The following TNIK variants were observed in gnomAD, a reference collection of about 807,000 sequenced individuals.
TNIK encodes TRAF2 and NCK interacting kinase.
TNIK carries 49 observed loss-of-function variants against 191.3 expected under a neutral mutation model. That is an observed-to-expected ratio of 0.26 (90% confidence interval 0.20 to 0.32). The LOEUF (loss-of-function observed/expected upper bound fraction) is 0.32, where lower values mean the gene tolerates loss of function less well. Ranked by LOEUF, TNIK falls within the 10% of genes least tolerant of loss-of-function variation. The pLI, the probability that TNIK is intolerant of heterozygous loss-of-function variation, is 1.00. For missense variants in TNIK, 1,155 were observed against 1,702.3 expected (o/e 0.68, Z 5.66); for synonymous variants, 594 against 600.9 (o/e 0.99, Z 0.17).
intron 2 of TNIK, among the ~76,000 whole-genome samples, chr3:171,278,815 T>C (rs905177809): frequency 1.3e-5 from 2 of 152,206 alleles, no homozygotes; most frequent in Non-Finnish European, 2.9e-5. Context: ...CTTATGCTTG[T>C]GACAAAAACT....
intron 12 of TNIK, among the ~76,000 whole-genome samples, chr3:171,143,491 A>C (rs1187357015): frequency 6.6e-6 from 1 of 152,204 alleles, no homozygotes; most frequent in African/African-American, 2.4e-5. Context: ...GGTGCACCTA[A>C]GAGTTTGTTG....
intron 1 of TNIK, among the ~76,000 whole-genome samples, chr3:171,445,944 G>A (rs575168672): frequency 9.2e-5 from 14 of 152,258 alleles, no homozygotes; most frequent in Non-Finnish European, 1.3e-4. Flanking sequence ...TATGTTATTC[G>A]TGTTGTAGCA....
Position 171,123,586 on chromosome 3 carries a change from C to G in TNIK, c.2120+10G>C. ...TTTCTTCTTTTACCATAACCACCTT[C>G]CTTTCTTACCTTGCTCTGATGGGTT... On this transcript the variant is annotated intron_variant, in intron 18 of 32. Transcript: ENST00000436636. 1 of 1,535,234 alleles carries G rather than the reference C, an allele frequency of 6.5e-7. No individual in the cohort carries two copies. Among genetic ancestry groups the G allele is most frequent in the Non-Finnish European group, 8.8e-7 (1 of 1,140,540 alleles).
At chr3:171,398,599 C>T (rs115493741) in intron 1 of TNIK, among the ~76,000 whole-genome samples, 226 of 152,234 alleles carry the variant, frequency 1.5e-3, no homozygotes, top group African/African-American at 5.0e-3. Flanking sequence ...TACTATGTAC[C>T]AAATCAGTGT....
intron 3 of TNIK, among the ~76,000 whole-genome samples, chr3:171,216,738 T>C (rs1471315345): frequency 1.3e-5 from 2 of 152,184 alleles, no homozygotes; most frequent in Admixed American, 1.3e-4. Flanking sequence ...GGTCAAGTTA[T>C]GCAGCTTTGG....
intron 2 of TNIK, among the ~76,000 whole-genome samples, chr3:171,304,315 A>G (rs1753182384): frequency 6.6e-6 from 1 of 152,156 alleles, no homozygotes; most frequent in Admixed American, 6.5e-5. Context: ...ATGAGATACC[A>G]TCTCACACCA....
chr3:171,090,557 G>A (rs1427607772), intron 23 of TNIK, among the ~76,000 whole-genome samples: 1 of 139,866 alleles, frequency 7.1e-6, no homozygotes, highest in African/African-American at 2.7e-5. Context: ...AAGATACCAG[G>A]AAGGTGCTGT....
chr3:171,303,466 T>TA (rs1753096415), intron 2 of TNIK, among the ~76,000 whole-genome samples: 1 of 152,182 alleles, frequency 6.6e-6, no homozygotes, highest in African/African-American at 2.4e-5. Context: ...TTAACATAAG[T>TA]AAAAAACATC....
At chr3:171,188,886 G>A (rs758744404) in intron 6 of TNIK, 54 bp from the exon 7 acceptor site, 35 of 1,575,490 alleles carry the variant, frequency 2.2e-5, no homozygotes, top group African/African-American at 4.1e-5. Context: ...TTTAGATAGC[G>A]ATAAAATGAA....
At chr3:171,374,799 G>A (rs1716994263) in intron 1 of TNIK, among the ~76,000 whole-genome samples, 1 of 152,194 alleles carries the variant, frequency 6.6e-6, no homozygotes, top group Non-Finnish European at 1.5e-5. Flanking sequence ...AACATTTCAT[G>A]AGGACTTATG....
chr3:171,235,742 G>T (rs1189027828), intron 2 of TNIK, among the ~76,000 whole-genome samples: 2 of 144,362 alleles, frequency 1.4e-5, no homozygotes, highest in Non-Finnish European at 3.0e-5. Context: ...TGTTGTTGTT[G>T]TTGTTTTTGT....
At chr3:171,371,134 C>T (rs1360418959) in intron 1 of TNIK, among the ~76,000 whole-genome samples, 1 of 152,016 alleles carries the variant, frequency 6.6e-6, no homozygotes, top group Non-Finnish European at 1.5e-5. Context: ...GGGCTTTGCA[C>T]AATGCCTTTC....
intron 2 of TNIK, among the ~76,000 whole-genome samples, chr3:171,332,478 G>C (rs1756508634): frequency 6.6e-6 from 1 of 152,190 alleles, no homozygotes; most frequent in South Asian, 2.1e-4. Flanking sequence ...TCAGCTCGCA[G>C]TGCCACCATT....
chr3:171,390,397 C>A (rs969724010), intron 1 of TNIK, among the ~76,000 whole-genome samples: 8 of 152,192 alleles, frequency 5.3e-5, no homozygotes, highest in South Asian at 2.1e-4. Context: ...AAGGTTACAG[C>A]CTCTTTTTGT....
intron 2 of TNIK, among the ~76,000 whole-genome samples, chr3:171,290,423 C>A (rs1238145937): frequency 6.6e-6 from 1 of 152,124 alleles, no homozygotes; most frequent in East Asian, 1.9e-4. Context: ...AATTTTTTCT[C>A]ATTGACTCTA....
chr3:171,211,247 T>A lies in TNIK; in HGVS notation c.181-6A>T, dbSNP rs761325685. The A allele has an allele frequency of 1.3e-6, 2 of 1,595,352 alleles. No homozygotes were observed. Among genetic ancestry groups the A allele is most frequent in the Non-Finnish European group, 1.7e-6 (2 of 1,170,482 alleles). On this transcript the variant is annotated splice_polypyrimidine_tract_variant and splice_region_variant and intron_variant, in intron 3 of 32. Transcript: ENST00000436636. ...TTGATTTCTTCCTCTTCATCCTGTA[T>A]GAGAACAATATAAAAATTCTGTCAT...
At chr3:171,414,104 CCTAA>C (rs1257953958) in intron 1 of TNIK, among the ~76,000 whole-genome samples, 1 of 152,190 alleles carries the variant, frequency 6.6e-6, no homozygotes, top group Non-Finnish European at 1.5e-5. Context: ...TTACCAATTG[CCTAA>C]CTTAGACGTA....
intron 2 of TNIK, among the ~76,000 whole-genome samples, chr3:171,241,099 T>G (rs989016598): frequency 1.3e-5 from 2 of 151,992 alleles, no homozygotes; most frequent in Non-Finnish European, 2.9e-5. Flanking sequence ...GGCACGATCT[T>G]GGCTCACCGC....
chr3:171,394,729 G>T lies in TNIK; in HGVS notation c.58-25044C>A, dbSNP rs183107111. 6.0e-3 allele frequency among the ~76,000 whole-genome samples: 919 copies of T among 152,312 alleles called. 2 individuals carry two copies. Among genetic ancestry groups the T allele is most frequent in the Admixed American group, 0.011 (169 of 15,296 alleles). On this transcript the variant is annotated intron_variant, in intron 1 of 32. Coordinates refer to ENST00000436636, the MANE Select transcript of TNIK (RefSeq NM_015028.4). ...GTCTAAAAAACAAATGGGAATTCAAGAAAAATTGTTTCTTAGTTTCTTTCC... is the reference window on the plus strand; with the variant it reads ...GTCTAAAAAACAAATGGGAATTCAATAAAAATTGTTTCTTAGTTTCTTTCC...
Sources: gnomAD v4.1 joint callset for allele counts (sites outside exome capture counted in the v4.1 genomes callset) on GRCh38, gnomAD v4.1.1 for gene constraint, MANE v1.5 for transcripts, NCBI Gene and HGNC (gene_info 2026-07-23, HGNC 2026-07-21) for gene names.